The following PDS5B variants were observed in gnomAD, a reference collection of about 807,000 sequenced individuals.
PDS5B encodes the protein sister chromatid cohesion protein PDS5 homolog B.
In PDS5B, 51 loss-of-function variants were observed where a neutral mutation model predicts 184.1. The ratio of observed to expected loss-of-function variants is 0.28; its 90% CI spans 0.22 to 0.35. The LOEUF (loss-of-function observed/expected upper bound fraction) is 0.35. PDS5B is among the 10% of genes least tolerant of loss of function. The pLI, the probability that PDS5B is intolerant of heterozygous loss-of-function variation, is 1.00. For synonymous variants in PDS5B, 566 were observed against 569.2 expected, an observed-to-expected ratio of 0.99 and a Z score of 0.08; for missense variants, 1,180 against 1,723.3, an observed-to-expected ratio of 0.68 and a Z score of 5.58.
chr13:32,599,292 C>T (rs1056783284), intron 1 of PDS5B, among the ~76,000 whole-genome samples: 2 of 151,876 alleles, frequency 1.3e-5, no homozygotes, highest in Non-Finnish European at 1.5e-5. Context: ...GAGATTGCAT[C>T]TTGTTTTGTC....
chr13:32,611,462 T>C (rs1205912828), intron 1 of PDS5B, among the ~76,000 whole-genome samples: 1 of 151,980 alleles, frequency 6.6e-6, no homozygotes, highest in Non-Finnish European at 1.5e-5. Flanking sequence ...TAAAACAGTT[T>C]CTGTGAAAGA....
chr13:32,724,046 C>T (rs1349850870), intron 19 of PDS5B, among the ~76,000 whole-genome samples: 1 of 152,198 alleles, frequency 6.6e-6, no homozygotes, highest in Non-Finnish European at 1.5e-5. Context: ...GTCGTTTCAT[C>T]TGTATATCTT....
Position 32,625,880 on chromosome 13 carries a change from C to T in PDS5B, c.-19-22874C>T, listed in dbSNP as rs150505164. On this transcript the variant is annotated intron_variant, in intron 1 of 34. Coordinates refer to ENST00000315596, the MANE Select transcript of PDS5B (RefSeq NM_015032.4). ...TGAGACAGGGTCTCGCTTTGTTGCCCAGGCTGGATTGCAGTGGGGAAGATC... is the reference window on the plus strand; with the variant it reads ...TGAGACAGGGTCTCGCTTTGTTGCCTAGGCTGGATTGCAGTGGGGAAGATC... 2.7e-5 allele frequency among the ~76,000 whole-genome samples: 4 copies of T among 150,102 alleles called. No homozygotes were observed. The East Asian group carries it at 7.7e-4, about 29-fold the overall frequency.
At chr13:32,746,679 C>T (rs1953754110) in intron 24 of PDS5B, among the ~76,000 whole-genome samples, 1 of 152,138 alleles carries the variant, frequency 6.6e-6, no homozygotes, top group Non-Finnish European at 1.5e-5. Flanking sequence ...AAAACATCAA[C>T]CACAAAACTG....
chr13:32,613,815 A>G (rs2058178573), intron 1 of PDS5B, among the ~76,000 whole-genome samples: 1 of 152,176 alleles, frequency 6.6e-6, no homozygotes, highest in African/African-American at 2.4e-5. Context: ...TGTCTAATCT[A>G]GGGTTGTAAG....
chr13:32,721,867 C>G (rs1381838463), intron 19 of PDS5B, among the ~76,000 whole-genome samples: 1 of 150,368 alleles, frequency 6.7e-6, no homozygotes. Flanking sequence ...CTCCTCACTT[C>G]CCAGACTGGG....
At chr13:32,626,562 G>A (rs2058373648) in intron 1 of PDS5B, among the ~76,000 whole-genome samples, 1 of 151,688 alleles carries the variant, frequency 6.6e-6, no homozygotes, top group African/African-American at 2.4e-5. Flanking sequence ...GTGATCATGA[G>A]CCTCCTGTCA....
In PDS5B at chr13:32,688,032, C is replaced by CT. The variant is rs200121269; in HGVS notation, c.1356-416dup. On this transcript the variant is annotated intron_variant, in intron 12 of 34. Transcript: ENST00000315596. Reference sequence around the variant, plus strand: ...AGAATTACATTATGATTTTGTAGGACTTTTTTTTAGTACTTTTAGCCAGGT... The same window carrying CT: ...AGAATTACATTATGATTTTGTAGGACTTTTTTTTTAGTACTTTTAGCCAGGT... 9.0e-3 allele frequency among the ~76,000 whole-genome samples: 1,372 copies of CT among 152,008 alleles called. 27 individuals are homozygous for CT. The highest frequency in any genetic ancestry group is 0.032 in the African/African-American group (1,322 of 41,468).
chr13:32,690,842 A>G (rs1202569736), intron 13 of PDS5B: 5 of 152,104 alleles, frequency 3.3e-5, no homozygotes, highest in Non-Finnish European at 7.4e-5. Flanking sequence ...ATGAATGGAT[A>G]TTTATTTGTT....
chr13:32,697,775 A>G (rs747775449), intron 15 of PDS5B, among the ~76,000 whole-genome samples: 1 of 152,176 alleles, frequency 6.6e-6, no homozygotes, highest in Non-Finnish European at 1.5e-5. Context: ...CAGTGGCACA[A>G]TCATAACTCA....
In PDS5B at chr13:32,593,608, T is replaced by C. The variant is rs551521467; in HGVS notation, c.-20+7015T>C. Among the ~76,000 whole-genome samples the C allele has an allele frequency of 2.4e-3, 364 of 152,370 alleles. 1 individual carries two copies. The highest frequency in any genetic ancestry group is 8.0e-3 in the African/African-American group (333 of 41,582). On this transcript the variant is annotated intron_variant, in intron 1 of 34. Transcript: ENST00000315596. The stretch of plus-strand genomic sequence containing the variant: ...CGCCCGCCTTGGCCTCCCAAAGTGC[T>C]GGGATTACAGGTGTGAGCCACTACG...
chr13:32,742,507 T>TA, intron 22 of PDS5B, 84 bp from the exon 23 acceptor site: 1 of 1,126,640 alleles, frequency 8.9e-7, no homozygotes, highest in African/African-American at 1.6e-5. Flanking sequence ...ATCCATTAAA[T>TA]ACATTTTATT....
intron 6 of PDS5B, among the ~76,000 whole-genome samples, chr13:32,662,314 T>G (rs1344920081): frequency 1.3e-5 from 2 of 152,198 alleles, no homozygotes; most frequent in South Asian, 2.1e-4. Context: ...ATTGAAAGAA[T>G]TACGGACAGA....
chr13:32,687,111 A>G (rs552539994), intron 11 of PDS5B, 23 bp from the exon 12 acceptor site: 3 of 1,566,556 alleles, frequency 1.9e-6, no homozygotes, highest in Admixed American at 4.1e-5. Context: ...TTTACATTAT[A>G]AATAAAACTT....
chr13:32,593,894 T>A (rs986150444), intron 1 of PDS5B, among the ~76,000 whole-genome samples: 1 of 151,936 alleles, frequency 6.6e-6, no homozygotes, highest in African/African-American at 2.4e-5. Context: ...CACTGTAACT[T>A]TTACTGAAAA....
rs548101818 is a variant in PDS5B, at chr13:32,664,887, A to G, written c.625-2877A>G. 9.8e-5 allele frequency among the ~76,000 whole-genome samples: 15 copies of G among 152,288 alleles called. No homozygotes were observed. In the South Asian group the frequency reaches 2.7e-3, roughly 27 times the overall value. On this transcript the variant is annotated intron_variant, in intron 6 of 34. Coordinates refer to ENST00000315596, the MANE Select transcript of PDS5B (RefSeq NM_015032.4). ...AAGAAAAAAAAAAGAAAGTGATAGC[A>G]TGTGCACTTGTGTGTAATTTGACAA...
chr13:32,742,564 T>G (rs923182311), intron 22 of PDS5B, 27 bp from the exon 23 acceptor site: 1 of 1,583,750 alleles, frequency 6.3e-7, no homozygotes, highest in Non-Finnish European at 8.6e-7. Context: ...TACCAGTGTT[T>G]TATTTGTCGA....
rs1389822329 is a variant in PDS5B, at chr13:32,716,662, G to T, written c.2123+6556G>T. On this transcript the variant is annotated intron_variant, in intron 19 of 34. Transcript: ENST00000315596. ...GGCCAGCCGCCCCGTTTGGGAGGGA[G>T]GTGGGGGGGGTCAGCCCCCCGCCCG... Among the ~76,000 whole-genome samples, 219 of 109,850 alleles carry T rather than the reference G, an allele frequency of 2.0e-3. 6 individuals carry two copies. Among genetic ancestry groups the T allele is most frequent in the African/African-American group, 6.7e-3 (215 of 32,328 alleles). 72.1% of individuals were successfully genotyped at this position (109,850 alleles called of 152,430 possible). A position where few individuals can be genotyped will look rare whatever the true frequency, so the allele number is the denominator to read the frequency against.
chr13:32,688,642 A>G lies in PDS5B; in HGVS notation c.1469+73A>G, dbSNP rs770163997. 16 of 864,812 alleles carry G rather than the reference A, an allele frequency of 1.9e-5. No homozygotes were observed. The East Asian group carries it at 3.9e-4, about 21-fold the overall frequency. The allele number at this position is 864,812 out of a possible 1,614,324, so 53.6% of individuals were successfully genotyped here. The stretch of plus-strand genomic sequence containing the variant: ...TTGGATTTTATGGAAAAGAAACTAC[A>G]AACACCTGTATTTTAAAATGTAATC... On this transcript the variant is annotated intron_variant, in intron 13 of 34. Coordinates refer to ENST00000315596, the MANE Select transcript of PDS5B (RefSeq NM_015032.4).
Sources: gnomAD v4.1 joint callset for allele counts (sites outside exome capture counted in the v4.1 genomes callset) on GRCh38, gnomAD v4.1.1 for gene constraint, MANE v1.5 for transcripts, NCBI Gene and HGNC (gene_info 2026-07-23, HGNC 2026-07-21) for gene names.